DNAH9: variants seen among roughly 807,000 people sequenced by gnomAD.
DNAH9 encodes DNAH9 variant protein.
Under a neutral mutation model 471.6 loss-of-function variants are expected in DNAH9, and 345 were observed. The observed-to-expected ratio is 0.73, with a 90% CI of 0.67 to 0.80. The LOEUF (loss-of-function observed/expected upper bound fraction) is 0.80. DNAH9 is among the 30% of genes least tolerant of loss of function. DNAH9 has a pLI of 0.00. For missense variants in DNAH9, 5,407 were observed against 5,609.2 expected (o/e 0.96, Z 1.15); for synonymous variants, 2,093 against 2,123.6 (o/e 0.99, Z 0.40).
intron 22 of DNAH9, among the ~76,000 whole-genome samples, chr17:11,698,085 A>G (rs1031341093): frequency 2.1e-5 from 3 of 141,602 alleles, no homozygotes; most frequent in Admixed American, 7.5e-5. Flanking sequence ...ACTTTATAGC[A>G]TATATAGTAT....
rs532628105 is a variant in DNAH9 at position 11,719,207 on chromosome 17, G to A, written c.5553-127G>A. 8.3e-5 allele frequency: 74 copies of A among 890,584 alleles called. 2 individuals carry two copies. In the Middle Eastern group the frequency reaches 3.5e-3, roughly 42 times the overall value. The allele number at this position is 890,584 out of a possible 1,614,324, so 55.2% of individuals were successfully genotyped here. A position where few individuals can be genotyped will look rare whatever the true frequency, so the allele number is the denominator to read the frequency against. On this transcript the variant is annotated intron_variant, in intron 26 of 68. Transcript: ENST00000262442. ...TCCTCCCCACAGTGCTGTGGGGAGC[G>A]GGAAAAAGGGGCAGGGCTCTTGGCT...
At chr17:11,944,884 A>C (rs1202703951) in intron 67 of DNAH9, among the ~76,000 whole-genome samples, 1 of 152,250 alleles carries the variant, frequency 6.6e-6, no homozygotes, top group African/African-American at 2.4e-5. Flanking sequence ...AAAAAGTTAG[A>C]CAGTGGTATT....
At chr17:11,938,419 A>C (rs924792294) in intron 66 of DNAH9, among the ~76,000 whole-genome samples, 1 of 149,654 alleles carries the variant, frequency 6.7e-6, no homozygotes, top group Non-Finnish European at 1.5e-5. Flanking sequence ...AGACCGTGCC[A>C]CTGCACTCCA....
chr17:11,753,102 C>T (rs770019659), intron 33 of DNAH9, 142 bp downstream of exon 33: 21 of 578,682 alleles, frequency 3.6e-5, no homozygotes, highest in African/African-American at 5.7e-5. Flanking sequence ...CTTCACCACA[C>T]ATCTCTGCAC....
rs1386537685 is a variant in DNAH9, at chr17:11,784,333, G to A, written c.7855G>A (p.Gly2619Arg). ...CAGCGTGTTTGTCCTCTCCTTCCCG[G>A]GGGCAGATGCCCTGTCCTCTATCTA... ...HFSVFVLSFP[G>R]ADALSSIYSI... The change falls in exon 41 of 69, where the codon GGG becomes AGG. Residue 2619 changes from glycine to arginine, a missense_variant. By Grantham distance (125) the Gly-to-Arg change is moderately radical. Coordinates refer to ENST00000262442, the MANE Select transcript of DNAH9 (RefSeq NM_001372.4). The A allele has an allele frequency of 6.2e-7, 1 of 1,614,112 alleles. No homozygotes were observed. Among genetic ancestry groups the A allele is most frequent in the Non-Finnish European group, 8.5e-7 (1 of 1,180,018 alleles).
intron 28 of DNAH9, among the ~76,000 whole-genome samples, chr17:11,736,327 C>T (rs377749740): frequency 2.0e-5 from 3 of 152,270 alleles, no homozygotes; most frequent in South Asian, 2.1e-4. Flanking sequence ...CTTCAGAAAA[C>T]GATGCATTTT....
intron 19 of DNAH9, among the ~76,000 whole-genome samples, chr17:11,687,014 C>A (rs890159102): frequency 1.3e-5 from 2 of 152,198 alleles, no homozygotes; most frequent in Non-Finnish European, 2.9e-5. Flanking sequence ...CACAAGAACT[C>A]CTCACCCTTG....
chr17:11,936,326 A>G (rs1452511360), intron 65 of DNAH9, among the ~76,000 whole-genome samples: 1 of 152,166 alleles, frequency 6.6e-6, no homozygotes, highest in East Asian at 1.9e-4. Context: ...AAGAGCCATG[A>G]AGAGGCGCTC....
intron 19 of DNAH9, among the ~76,000 whole-genome samples, chr17:11,687,139 G>A (rs1003228172): frequency 2.0e-4 from 31 of 152,038 alleles, no homozygotes; most frequent in African/African-American, 7.5e-4. Flanking sequence ...GAGAGACAGG[G>A]CCCTTTTCAA....
intron 49 of DNAH9, among the ~76,000 whole-genome samples, chr17:11,845,561 G>T (rs913817867): frequency 8.2e-5 from 12 of 146,722 alleles, no homozygotes; most frequent in Non-Finnish European, 1.4e-4. Flanking sequence ...TCTAGTTCTA[G>T]ATCCCTGAGG....
At chr17:11,766,074 A>G (rs917984046) in intron 36 of DNAH9, among the ~76,000 whole-genome samples, 1 of 152,182 alleles carries the variant, frequency 6.6e-6, no homozygotes, top group East Asian at 1.9e-4. Flanking sequence ...CCCTGCCAGC[A>G]ACCTGGGAAG....
intron 20 of DNAH9, among the ~76,000 whole-genome samples, chr17:11,692,552 C>T (rs1222947420): frequency 1.3e-5 from 2 of 152,102 alleles, no homozygotes; most frequent in East Asian, 1.9e-4. Flanking sequence ...CCAGAAAGAA[C>T]GTTAGATCCA....
chr17:11,936,724 C>G (rs1200974802), intron 65 of DNAH9, among the ~76,000 whole-genome samples: 1 of 152,200 alleles, frequency 6.6e-6, no homozygotes, highest in Non-Finnish European at 1.5e-5. Flanking sequence ...ATGGCAGACT[C>G]TAGCCACTAG....
At chr17:11,606,916 G>A (rs111396112) in intron 1 of DNAH9, among the ~76,000 whole-genome samples, 13 of 152,260 alleles carry the variant, frequency 8.5e-5, no homozygotes, top group African/African-American at 2.9e-4. Flanking sequence ...AAAAGAGAAG[G>A]TGTCTCTTCC....
intron 27 of DNAH9, among the ~76,000 whole-genome samples, chr17:11,719,942 C>G (rs2075025279): frequency 6.6e-6 from 1 of 152,060 alleles, no homozygotes; most frequent in African/African-American, 2.4e-5. Context: ...TGGACATTCC[C>G]CAGAATATCA....
chr17:11,767,146 A>C (rs1332032504), intron 36 of DNAH9, among the ~76,000 whole-genome samples: 1 of 152,174 alleles, frequency 6.6e-6, no homozygotes, highest in Non-Finnish European at 1.5e-5. Flanking sequence ...GGAAATTGCC[A>C]GGCATCTCAA....
chr17:11,934,435 A>AT (rs547023975), intron 65 of DNAH9, among the ~76,000 whole-genome samples: 2,790 of 85,694 alleles, frequency 0.033, 528 homozygotes, highest in Non-Finnish European at 0.042. Flanking sequence ...TGACAAACCC[A>AT]TTTTTTTTTT....
chr17:11,805,094 G>A (rs1384840088), intron 43 of DNAH9, among the ~76,000 whole-genome samples: 1 of 151,914 alleles, frequency 6.6e-6, no homozygotes, highest in Non-Finnish European at 1.5e-5. Flanking sequence ...TGTCAACAAG[G>A]GTTGGGGGCC....
intron 17 of DNAH9, among the ~76,000 whole-genome samples, chr17:11,672,516 A>G (rs766983905): frequency 3.3e-5 from 5 of 152,138 alleles, no homozygotes; most frequent in Non-Finnish European, 5.9e-5. Context: ...ATCTTCCCTC[A>G]AAATCACCAG....
Sources: gnomAD v4.1 joint callset for allele counts (sites outside exome capture counted in the v4.1 genomes callset) on GRCh38, gnomAD v4.1.1 for gene constraint, MANE v1.5 for transcripts, NCBI Gene and HGNC (gene_info 2026-07-23, HGNC 2026-07-21) for gene names.